Variants in TP63 observed in about 807,000 individuals in gnomAD.
The protein encoded by TP63 is tumor protein p63, also known as tumor protein 63.
A neutral mutation model predicts 82.8 loss-of-function variants in TP63; 17 were observed. The ratio of observed to expected loss-of-function variants is 0.21; its 90% confidence interval spans 0.14 to 0.31. The LOEUF is 0.31. Among genes scored for constraint, TP63 ranks in the 10% least tolerant of loss-of-function variants. TP63 has a pLI of 1.00. For synonymous variants in TP63, 330 were observed against 321.7 expected (o/e 1.03, Z -0.28); for missense variants, 648 against 895.3 (o/e 0.72, Z 3.52).
intron 1 of TP63, among the ~76,000 whole-genome samples, chr3:189,678,185 G>A (rs1238558932): frequency 6.6e-6 from 1 of 151,882 alleles, no homozygotes; most frequent in Non-Finnish European, 1.5e-5. Context: ...TGTCCCAAGT[G>A]TTTTTTCTAG....
At chr3:189,720,736 G>A (rs375457502) in intron 1 of TP63, among the ~76,000 whole-genome samples, 49 of 120,888 alleles carry the variant, frequency 4.1e-4, no homozygotes, top group East Asian at 7.3e-4. Context: ...CTCCGTCTCA[G>A]AAAAAAAAAA....
chr3:189,809,363 A>G (rs780758612), intron 4 of TP63, among the ~76,000 whole-genome samples: 4 of 152,190 alleles, frequency 2.6e-5, no homozygotes, highest in Non-Finnish European at 4.4e-5. Context: ...TCTTTTTCAT[A>G]ACTAGATCCA....
intron 3 of TP63, among the ~76,000 whole-genome samples, chr3:189,794,702 A>G (rs1725515803): frequency 1.3e-5 from 2 of 152,068 alleles, no homozygotes; most frequent in South Asian, 4.1e-4. Context: ...TGACAATGAA[A>G]AGCCATGGAA....
At chr3:189,855,732 G>A (rs1007728022) in intron 4 of TP63, among the ~76,000 whole-genome samples, 21 of 148,796 alleles carry the variant, frequency 1.4e-4, no homozygotes, top group African/African-American at 4.2e-4. Context: ...GTATGTGTGT[G>A]TGTATGCACA....
chr3:189,670,377 A>C (rs114195512), intron 1 of TP63, among the ~76,000 whole-genome samples: 2,047 of 152,190 alleles, frequency 0.013, 24 homozygotes, highest in East Asian at 0.045. Flanking sequence ...CATTCTTTTT[A>C]CCTACCAAGA....
chr3:189,879,921 A>G (rs1719715909), intron 10 of TP63: 1 of 1,177,350 alleles, frequency 8.5e-7, no homozygotes, highest in Non-Finnish European at 1.1e-6. Context: ...ATAAATTGGA[A>G]GAACAAAAAT....
At chr3:189,829,842 T>C in intron 4 of TP63, 1 of 316,246 alleles carries the variant, frequency 3.2e-6, no homozygotes, top group South Asian at 2.6e-5. Context: ...GCCCTTTTAA[T>C]TATTTCATTA....
the TP63 span, among the ~76,000 whole-genome samples, chr3:189,597,162 C>T: frequency 6.6e-6 from 1 of 152,186 alleles, no homozygotes; most frequent in African/African-American, 2.4e-5. Flanking sequence ...TCCGGACACC[C>T]TATCAGAGAT....
intron 3 of TP63, among the ~76,000 whole-genome samples, chr3:189,774,989 G>A (rs1030727628): frequency 7.9e-5 from 12 of 152,060 alleles, no homozygotes; most frequent in African/African-American, 1.9e-4. Flanking sequence ...AGGCAGAGGC[G>A]GGCAGATCAC....
chr3:189,732,094 A>AATAT (rs1257299320), intron 1 of TP63, among the ~76,000 whole-genome samples: 2 of 152,208 alleles, frequency 1.3e-5, no homozygotes, highest in Admixed American at 1.3e-4. Context: ...TCAGAACCCT[A>AATAT]ATATACCTTA....
intron 3 of TP63, among the ~76,000 whole-genome samples, chr3:189,752,036 C>G (rs1196928988): frequency 6.6e-6 from 1 of 151,986 alleles, no homozygotes; most frequent in Non-Finnish European, 1.5e-5. Context: ...ATTTGATTAT[C>G]TAATAGTTAT....
chr3:189,681,411 T>G (rs976422413), intron 1 of TP63, among the ~76,000 whole-genome samples: 11 of 152,222 alleles, frequency 7.2e-5, no homozygotes, highest in African/African-American at 2.4e-4. Flanking sequence ...GCCAAGTTTA[T>G]TAAAATGTCT....
chr3:189,742,740 T>C (rs1177243714), intron 3 of TP63, among the ~76,000 whole-genome samples: 2 of 152,196 alleles, frequency 1.3e-5, no homozygotes, highest in Non-Finnish European at 2.9e-5. Context: ...GACCATGATA[T>C]CCTTGAGAAG....
chr3:189,845,942 G>A lies in TP63; in HGVS notation c.580-18290G>A, dbSNP rs572982831. On this transcript the variant is annotated intron_variant, in intron 4 of 13. Transcript: ENST00000264731. ...TTGGTTTTGGTGTAGTAGGCAGGGA[G>A]GGTTTTGATTCTACCTTTAGGAAAG... 1.3e-4 allele frequency among the ~76,000 whole-genome samples: 20 copies of A among 151,746 alleles called. No individual in the cohort carries two copies. The East Asian group carries it at 3.7e-3, about 28-fold the overall frequency.
intron 1 of TP63, among the ~76,000 whole-genome samples, chr3:189,638,620 ATGT>A (rs1352792243): frequency 6.6e-6 from 1 of 152,158 alleles, no homozygotes; most frequent in African/African-American, 2.4e-5. Flanking sequence ...CTCACTTCTG[ATGT>A]TGTCAGATAT....
chr3:189,867,575 C>T (rs1021398897), intron 6 of TP63, among the ~76,000 whole-genome samples: 5 of 152,116 alleles, frequency 3.3e-5, no homozygotes. Context: ...GATCAGCTTA[C>T]AAACGAACAG....
chr3:189,718,518 A>C (rs1719132485), intron 1 of TP63, among the ~76,000 whole-genome samples: 1 of 149,806 alleles, frequency 6.7e-6, no homozygotes, highest in Non-Finnish European at 1.5e-5. Flanking sequence ...GGCATGGGGG[A>C]AACTGTCACC....
rs180870055 is a variant in TP63 at position 189,732,219 on chromosome 3, C to T, written c.63-5521C>T. 8.4e-3 allele frequency among the ~76,000 whole-genome samples: 1,279 copies of T among 151,704 alleles called. 12 individuals carry two copies. Among genetic ancestry groups the T allele is most frequent in the African/African-American group, 0.03 (1,225 of 41,476 alleles). On this transcript the variant is annotated intron_variant, in intron 1 of 13. Transcript: ENST00000264731. ...TGAGTCACCAGGAAACTGAGGATAT[C>T]TGGAAACACAAGCTGAAAATGACTG...
At chr3:189,698,763 A>G (rs929374947) in intron 1 of TP63, among the ~76,000 whole-genome samples, 1 of 152,202 alleles carries the variant, frequency 6.6e-6, no homozygotes, top group African/African-American at 2.4e-5. Context: ...ATAAGAGCCT[A>G]TTGATCATAT....
Sources: allele counts gnomAD v4.1 joint callset (sites outside exome capture counted in the v4.1 genomes callset), GRCh38; gene constraint gnomAD v4.1.1; transcripts MANE v1.5; gene names NCBI Gene and HGNC (gene_info 2026-07-23, HGNC 2026-07-21).